Variants in HDAC4 observed in about 807,000 individuals in gnomAD.
The protein encoded by HDAC4 is histone deacetylase 4, also known as histone deacetylase A.
In HDAC4, 16 loss-of-function variants were observed where a neutral mutation model predicts 135.1. That is an observed-to-expected ratio of 0.12 (90% CI 0.08 to 0.18). The LOEUF is 0.18. Among genes scored for constraint, HDAC4 ranks in the 10% least tolerant of loss-of-function variants. The pLI, the probability that HDAC4 is intolerant of heterozygous loss-of-function variation, is 1.00. For synonymous variants in HDAC4, 685 were observed against 653.4 expected (o/e 1.05, Z -0.74); for missense variants, 1,143 against 1,511.8 (o/e 0.76, Z 4.05).
intron 3 of HDAC4, among the ~76,000 whole-genome samples, chr2:239,196,405 CCTT>C (rs1365506524): frequency 2.0e-5 from 3 of 152,204 alleles, no homozygotes; most frequent in Non-Finnish European, 2.9e-5. Flanking sequence ...AACATCCTGA[CCTT>C]GTTAAGTGTC....
intron 15 of HDAC4, 76 bp from the exon 16 acceptor site, chr2:239,102,972 C>A: frequency 1.3e-6 from 2 of 1,582,418 alleles, no homozygotes; most frequent in South Asian, 1.1e-5. Flanking sequence ...GAAACTCCAA[C>A]TGAAACCATT....
intron 3 of HDAC4, chr2:239,191,027 C>A (rs1208679479): frequency 2.2e-6 from 1 of 462,636 alleles, no homozygotes. Flanking sequence ...CCCAGCGTCA[C>A]TTCTCAGACA....
intron 1 of HDAC4, among the ~76,000 whole-genome samples, chr2:239,383,384 T>C (rs1390765882): frequency 6.6e-6 from 1 of 152,114 alleles, no homozygotes; most frequent in Non-Finnish European, 1.5e-5. Context: ...GAAAGAAGGA[T>C]AAAGCTGCCT....
At chr2:239,094,342 G>T (rs572896276) in intron 17 of HDAC4, 1 of 985,320 alleles carries the variant, frequency 1.0e-6, no homozygotes, top group African/African-American at 1.7e-5. Context: ...CTGTGTGGAC[G>T]GATGGGCAGA....
Position 239,126,671 on chromosome 2 carries a change from C to T in HDAC4, c.1318G>A (p.Ala440Thr), listed in dbSNP as rs1203845717. The change falls in exon 12 of 27, where the codon GCA (alanine) becomes ACA (threonine). Residue 440 changes from alanine to threonine, a missense_variant. Ala to Thr is a moderately conservative substitution (Grantham distance 58). Transcript: ENST00000543185. Reference sequence around the variant, plus strand: ...AAGGACTGTGCGTGGAGGGGCAGTGCTCCCAGGCCTGAAAGATACCAGTCT... The same window carrying T: ...AAGGACTGTGCGTGGAGGGGCAGTGTTCCCAGGCCTGAAAGATACCAGTCT... ...VTDWYLSGLGALPLHAQSLVG... is the reference protein window; with the variant it reads ...VTDWYLSGLGTLPLHAQSLVG... 1 of 1,613,920 alleles carries T rather than the reference C, an allele frequency of 6.2e-7. No individual in the cohort carries two copies. The highest frequency in any genetic ancestry group is 8.5e-7 in the Non-Finnish European group (1 of 1,179,954).
At position 239,052,927 on chromosome 2, in the gene HDAC4, A is replaced by G. The variant is rs186132395; in HGVS notation, c.*170T>C. 731 of 749,990 alleles carry G rather than the reference A, an allele frequency of 9.7e-4. 2 individuals carry two copies. The highest frequency in any genetic ancestry group is 2.1e-3 in the Middle Eastern group (9 of 4,258). The allele number at this position is 749,990 out of a possible 1,614,324, so 46.5% of individuals were successfully genotyped here. A position where few individuals can be genotyped will look rare whatever the true frequency, so the allele number is the denominator to read the frequency against. On this transcript the variant is annotated 3_prime_UTR_variant, in exon 27 of 27. Coordinates refer to ENST00000543185, the MANE Select transcript of HDAC4 (RefSeq NM_001378414.1). The stretch of plus-strand genomic sequence containing the variant: ...CCCAGGCGTGCATGTGCGTCTCGAG[A>G]CCTGTGGGCCTGGGCGGCAGAAAGG...
chr2:239,197,628 A>C (rs2045478116), intron 3 of HDAC4, among the ~76,000 whole-genome samples: 1 of 152,104 alleles, frequency 6.6e-6, no homozygotes. Context: ...TTTGTCTTAC[A>C]CGCTTCTTCA....
At position 239,298,440 on chromosome 2, in the gene HDAC4, C is replaced by T. The variant is rs938182568; in HGVS notation, c.22+54238G>A. 28 of 1,153,648 alleles carry T rather than the reference C, an allele frequency of 2.4e-5. No homozygotes were observed. In the South Asian group the frequency reaches 4.1e-4, roughly 17 times the overall value. The allele number at this position is 1,153,648 out of a possible 1,614,324, so 71.5% of individuals were successfully genotyped here. A position where few individuals can be genotyped will look rare whatever the true frequency, so the allele number is the denominator to read the frequency against. ...TCCTGAAGTTCAAGTGCATGCACACCGTGGATACTCTAGGGTCCCAGCAAC... is the reference window on the plus strand; with the variant it reads ...TCCTGAAGTTCAAGTGCATGCACACTGTGGATACTCTAGGGTCCCAGCAAC... On this transcript the variant is annotated intron_variant, in intron 2 of 26. Coordinates refer to ENST00000543185, the MANE Select transcript of HDAC4 (RefSeq NM_001378414.1).
chr2:239,389,623 C>T (rs1003309165), intron 1 of HDAC4, among the ~76,000 whole-genome samples: 9 of 152,194 alleles, frequency 5.9e-5, no homozygotes, highest in South Asian at 2.1e-4. Flanking sequence ...AGGCGAGGTC[C>T]GCAGAGCGTT....
intron 12 of HDAC4, among the ~76,000 whole-genome samples, chr2:239,122,969 G>A (rs929584194): frequency 1.3e-5 from 2 of 150,898 alleles, no homozygotes; most frequent in African/African-American, 2.5e-5. Context: ...GGGCCGGGAC[G>A]TCAGTGTTAG....
chr2:239,111,329 C>T (rs1209794228), intron 14 of HDAC4, among the ~76,000 whole-genome samples, 197 bp downstream of exon 14: 2 of 152,236 alleles, frequency 1.3e-5, no homozygotes, highest in Admixed American at 6.5e-5. Context: ...CCCAGCATGA[C>T]AGAACTGAAG....
intron 1 of HDAC4, among the ~76,000 whole-genome samples, chr2:239,398,839 C>A (rs1459921147): frequency 1.3e-5 from 2 of 152,266 alleles, no homozygotes; most frequent in Non-Finnish European, 2.9e-5. Flanking sequence ...CAGGGCTCCC[C>A]CGGGGGCATG....
chr2:239,264,130 C>T lies in HDAC4; in HGVS notation c.23-27466G>A, dbSNP rs138918697. On this transcript the variant is annotated intron_variant, in intron 2 of 26. Coordinates refer to ENST00000543185, the MANE Select transcript of HDAC4 (RefSeq NM_001378414.1). ...GCCAGGCGGGGAGCTCGTGGGGAGA[C>T]GGGCTCTGGCCTCAGCCTAAGGTCA... Among the ~76,000 whole-genome samples the T allele has an allele frequency of 7.4e-4, 112 of 152,280 alleles. 1 individual carries two copies. The South Asian group carries it at 0.01, about 14-fold the overall frequency.
At chr2:239,092,136 C>T (rs1408806769) in intron 17 of HDAC4, among the ~76,000 whole-genome samples, 5 of 151,786 alleles carry the variant, frequency 3.3e-5, no homozygotes, top group Non-Finnish European at 5.9e-5. Context: ...CAACTCAGGA[C>T]GCTGAGGCGG....
intron 1 of HDAC4, among the ~76,000 whole-genome samples, chr2:239,366,082 G>A (rs536374196): frequency 1.1e-4 from 16 of 145,876 alleles, no homozygotes; most frequent in South Asian, 2.3e-4. Context: ...ACACAAACAC[G>A]CATGCACAGA....
At chr2:239,162,840 C>T (rs995452642) in intron 6 of HDAC4, among the ~76,000 whole-genome samples, 37 of 152,132 alleles carry the variant, frequency 2.4e-4, no homozygotes, top group Non-Finnish European at 4.4e-4. Flanking sequence ...AGGGGGATCG[C>T]GTCTGAGCTG....
At chr2:239,393,224 G>T (rs966562274) in intron 1 of HDAC4, among the ~76,000 whole-genome samples, 1 of 152,196 alleles carries the variant, frequency 6.6e-6, no homozygotes, top group African/African-American at 2.4e-5. Context: ...CCCAAGGAGG[G>T]CCTAGCCGCG....
rs184563313 is a variant in HDAC4, at chr2:239,281,611, A to C, written c.23-44947T>G. Among the ~76,000 whole-genome samples the C allele has an allele frequency of 3.2e-3, 462 of 145,256 alleles. 8 individuals carry two copies. Among genetic ancestry groups the C allele is most frequent in the Non-Finnish European group, 5.1e-3 (338 of 65,888 alleles). On this transcript the variant is annotated intron_variant, in intron 2 of 26. Coordinates refer to ENST00000543185, the MANE Select transcript of HDAC4 (RefSeq NM_001378414.1). ...CTCCACACAATGTACACACCACTCTACACACAATGTACACACCACTCTACA... is the reference window on the plus strand; with the variant it reads ...CTCCACACAATGTACACACCACTCTCCACACAATGTACACACCACTCTACA...
intron 16 of HDAC4, among the ~76,000 whole-genome samples, chr2:239,100,099 G>C (rs1203856495): frequency 6.6e-6 from 1 of 152,356 alleles, no homozygotes; most frequent in African/African-American, 2.4e-5. Flanking sequence ...GCATTCTGAG[G>C]CTCTGCTGTT....
Sources: gnomAD v4.1 joint callset for allele counts (sites outside exome capture counted in the v4.1 genomes callset) on GRCh38, gnomAD v4.1.1 for gene constraint, MANE v1.5 for transcripts, NCBI Gene and HGNC (gene_info 2026-07-23, HGNC 2026-07-21) for gene names.